CLDN1: variants seen among roughly 807,000 people sequenced by gnomAD.
CLDN1 encodes the protein claudin 1.
In CLDN1, 12 loss-of-function variants were observed where a neutral mutation model predicts 22.6. The observed-to-expected ratio is 0.53, with a 90% CI of 0.34 to 0.86. The LOEUF is 0.86. Among genes scored for constraint, CLDN1 ranks in the 40% least tolerant of loss-of-function variants. The pLI is 0.02. For missense variants in CLDN1, 250 were observed against 269.5 expected (o/e 0.93, Z 0.51); for synonymous variants, 99 against 103.8 (o/e 0.95, Z 0.28).
In CLDN1 at chr3:190,308,048, T is replaced by A. The variant is rs934054048; in HGVS notation, c.*229A>T. The A allele has an allele frequency of 2.0e-6, 1 of 488,978 alleles. No homozygotes were observed. Among genetic ancestry groups the A allele is most frequent in the Non-Finnish European group, 3.7e-6 (1 of 270,898 alleles). The allele number at this position is 488,978 out of a possible 1,614,324, so 30.3% of individuals were successfully genotyped here. ...ATGATTACTCAATGGGAAGCAGTAA[T>A]ACAAATGGAAAAATCTTCCCTCCTA... On this transcript the variant is annotated 3_prime_UTR_variant, in exon 4 of 4. Transcript: ENST00000295522.
intron 2 of CLDN1, 92 bp downstream of exon 2, chr3:190,312,780 C>A: frequency 6.9e-7 from 1 of 1,453,844 alleles, no homozygotes. Context: ...GCCTTAGAGA[C>A]TGAAATCAAG....
intron 1 of CLDN1, among the ~76,000 whole-genome samples, chr3:190,317,396 C>T (rs1292391322): frequency 6.6e-6 from 1 of 152,126 alleles, no homozygotes; most frequent in Non-Finnish European, 1.5e-5. Flanking sequence ...CATCATTTTC[C>T]ACCTGAAAGT....
chr3:190,308,267 T>G lies in CLDN1; in HGVS notation c.*10A>C, dbSNP rs1025986404. ...TTGTTTCAACATGATTTTCTCCTTT[T>G]GCCTCTGTGTCACACGTAGTCTTTC... On this transcript the variant is annotated 3_prime_UTR_variant, in exon 4 of 4. Transcript: ENST00000295522. The G allele has an allele frequency of 1.2e-6, 2 of 1,613,690 alleles. No homozygotes were observed. The highest frequency in any genetic ancestry group is 2.7e-5 in the African/African-American group (2 of 74,914).
chr3:190,321,933 C>T, intron 1 of CLDN1, 51 bp downstream of exon 1: 1 of 1,422,700 alleles, frequency 7.0e-7, no homozygotes, highest in Non-Finnish European at 9.9e-7. Context: ...AAGGGAGCTG[C>T]AGGGGGACTG....
Position 190,322,162 on chromosome 3 carries a change from G to C in CLDN1, c.45C>G (p.Phe15Leu). Residue 15 changes from phenylalanine (F) to leucine (L), a missense_variant, in exon 1 of 4, where the codon TTC (phenylalanine) becomes TTG (leucine). Physicochemically the swap from Phe to Leu is conservative, Grantham distance 22. Transcript: ENST00000295522. ...GLQLLGFILA[F>L]LGWIGAIVST... ...TGACGATGGCGCCGATCCATCCCAGGAAGGCGAGAATGAAGCCCAACAGCT... is the reference window on the plus strand; with the variant it reads ...TGACGATGGCGCCGATCCATCCCAGCAAGGCGAGAATGAAGCCCAACAGCT... 8 of 1,614,190 alleles carry C rather than the reference G, an allele frequency of 5.0e-6. No homozygotes were observed. The highest frequency in any genetic ancestry group is 6.8e-6 in the Non-Finnish European group (8 of 1,180,048).
At position 190,307,487 on chromosome 3, in the gene CLDN1, TGGG is replaced by T. The variant is rs1716487296; in HGVS notation, c.*787_*789del. The T allele has an allele frequency of 6.6e-6, 1 of 152,192 alleles. No homozygotes were observed. The highest frequency in any genetic ancestry group is 6.6e-5 in the Admixed American group (1 of 15,260). 9.4% of individuals were successfully genotyped at this position (152,192 alleles called of 1,614,324 possible). On this transcript the variant is annotated 3_prime_UTR_variant, in exon 4 of 4. Coordinates refer to ENST00000295522, the MANE Select transcript of CLDN1 (RefSeq NM_021101.5). The stretch of plus-strand genomic sequence containing the variant: ...TATGGGTCAGAGTACAGGGATTGTG[TGGG>T]AAGGTCAACAGGAATTTATCACTTT...
intron 1 of CLDN1, among the ~76,000 whole-genome samples, chr3:190,319,153 A>G (rs537110829): frequency 2.6e-5 from 4 of 152,322 alleles, no homozygotes; most frequent in African/African-American, 9.6e-5. Flanking sequence ...AGTAAGAAGA[A>G]GCATTTAAGC....
chr3:190,322,251 A>C lies in CLDN1; in HGVS notation c.-45T>G. On this transcript the variant is annotated 5_prime_UTR_variant, in exon 1 of 4. Transcript: ENST00000295522. ...GCTGGCTCAGGGGTGGCAGGTGCAG[A>C]AGGCGGAGAGTTTGCAGGTGGGCAA... is the stretch of plus-strand genomic sequence containing the variant. 1 of 1,580,682 alleles carries C rather than the reference A, an allele frequency of 6.3e-7. No individual in the cohort carries two copies. The highest frequency in any genetic ancestry group is 8.7e-7 in the Non-Finnish European group (1 of 1,153,682).
chr3:190,309,496 T>C (rs921722735), intron 3 of CLDN1, among the ~76,000 whole-genome samples: 1 of 152,226 alleles, frequency 6.6e-6, no homozygotes, highest in Non-Finnish European at 1.5e-5. Flanking sequence ...ACATCCTGAC[T>C]GAATGTAGTT....
Position 190,321,024 on chromosome 3 carries a change from C to T in CLDN1, c.223+960G>A, listed in dbSNP as rs191620631. Reference sequence around the variant, plus strand: ...TCCCACCATCCTTAGAAATATGTCTCTCTATACAATCCTTTCCAGTTTTAC... The same window carrying T: ...TCCCACCATCCTTAGAAATATGTCTTTCTATACAATCCTTTCCAGTTTTAC... On this transcript the variant is annotated intron_variant, in intron 1 of 3. Coordinates refer to ENST00000295522, the MANE Select transcript of CLDN1 (RefSeq NM_021101.5). 1.4e-3 allele frequency among the ~76,000 whole-genome samples: 215 copies of T among 152,252 alleles called. 1 individual carries two copies. The highest frequency in any genetic ancestry group is 2.3e-3 in the Non-Finnish European group (155 of 68,026).
At chr3:190,308,518 A>G in intron 3 of CLDN1, 79 bp from the exon 4 acceptor site, 3 of 1,317,314 alleles carry the variant, frequency 2.3e-6, no homozygotes, top group Non-Finnish European at 3.2e-6. Flanking sequence ...AAAAAAAATC[A>G]ATACTCATTG....
rs1357944333 is a variant in CLDN1 at position 190,312,904 on chromosome 3, G to A, written c.356C>T (p.Ala119Val). The change falls in exon 2 of 4, where the codon GCT becomes GTT. Residue 119 changes from alanine (A) to valine (V), a missense_variant. Coordinates refer to ENST00000295522, the MANE Select transcript of CLDN1 (RefSeq NM_021101.5). The part of the protein sequence containing the change: ...EDDEVQKMRM[A>V]VIGGAIFLLA... ...AAGAAATATCGCACCCCCAATGACAGCCATCCTCATCTTCTGCACCTCATC... is the reference window on the plus strand; with the variant it reads ...AAGAAATATCGCACCCCCAATGACAACCATCCTCATCTTCTGCACCTCATC... 6 of 1,614,156 alleles carry A rather than the reference G, an allele frequency of 3.7e-6. No individual in the cohort carries two copies. Among genetic ancestry groups the A allele is most frequent in the Non-Finnish European group, 5.1e-6 (6 of 1,180,020 alleles).
At chr3:190,308,945 A>G (rs1716534492) in intron 3 of CLDN1, among the ~76,000 whole-genome samples, 1 of 152,200 alleles carries the variant, frequency 6.6e-6, no homozygotes, top group Admixed American at 6.5e-5. Context: ...TAAGCAGCCC[A>G]TGAACCATTC....
intron 1 of CLDN1, among the ~76,000 whole-genome samples, chr3:190,316,152 T>C (rs1311718420): frequency 6.6e-6 from 1 of 152,138 alleles, no homozygotes; most frequent in Non-Finnish European, 1.5e-5. Context: ...ATTTGCATAA[T>C]ACACAAAAAG....
rs1324622182 is a variant in CLDN1 at position 190,310,216 on chromosome 3, A to G, written c.426T>C (p.Asn142=). ...GGTCATAGAATTCTTGAACGATTCTATTGCCATACCATGCTGTGGCAACTA... is the reference window on the plus strand; with the variant it reads ...GGTCATAGAATTCTTGAACGATTCTGTTGCCATACCATGCTGTGGCAACTA... ...AILVATAWYG[N]RIVQEFYDPM... Residue 142 remains asparagine, a synonymous_variant, in exon 3 of 4, where the codon AAT becomes AAC. Coordinates refer to ENST00000295522, the MANE Select transcript of CLDN1 (RefSeq NM_021101.5). 6.2e-7 allele frequency: 1 copy of G among 1,613,938 alleles called. No homozygotes were observed. The highest frequency in any genetic ancestry group is 1.7e-5 in the Admixed American group (1 of 60,006).
rs200926144 is a variant in CLDN1 at position 190,312,961 on chromosome 3, A to G, written c.299T>C (p.Val100Ala). 184 of 1,614,078 alleles carry G rather than the reference A, an allele frequency of 1.1e-4. No homozygotes were observed. Among genetic ancestry groups the G allele is most frequent in the Non-Finnish European group, 6.1e-5 (72 of 1,180,036 alleles). Residue 100 changes from valine to alanine, a missense_variant, in exon 2 of 4, where the codon GTT (valine) becomes GCT (alanine). Val to Ala is a moderately conservative substitution (Grantham distance 64). Transcript: ENST00000295522. ...CAAGCACTTCATACACTTCATGCCA[A>G]CGGTGGCCACAAAGATTGCTATCAC... The part of the protein sequence containing the change: ...LGVIAIFVAT[V>A]GMKCMKCLED...
In CLDN1 at chr3:190,312,852, G is replaced by T. The variant is rs771068812; in HGVS notation, c.388+20C>A. 14 of 1,613,292 alleles carry T rather than the reference G, an allele frequency of 8.7e-6. No individual in the cohort carries two copies. In the East Asian group the frequency reaches 2.7e-4, roughly 31 times the overall value. On this transcript the variant is annotated intron_variant, in intron 2 of 3. Coordinates refer to ENST00000295522, the MANE Select transcript of CLDN1 (RefSeq NM_021101.5). ...CAGGAACAGGTTAGTAAGGTGAAAGGGGGGCACAGCCTCTATTACCTGCAA... is the reference window on the plus strand; with the variant it reads ...CAGGAACAGGTTAGTAAGGTGAAAGTGGGGCACAGCCTCTATTACCTGCAA...
chr3:190,308,875 T>C (rs1480732393), intron 3 of CLDN1, among the ~76,000 whole-genome samples: 2 of 152,174 alleles, frequency 1.3e-5, no homozygotes, highest in African/African-American at 4.8e-5. Flanking sequence ...GATGATCCAT[T>C]GGTCCCAGGC....
Position 190,322,368 on chromosome 3 carries a change from G to C in CLDN1, c.-162C>G, listed in dbSNP as rs149860750. ...CGCCGCTGGAGAAGCTCTGGGTCGG[G>C]GTTGGGGTCCGCGCCCGGGGCGGCG... On this transcript the variant is annotated 5_prime_UTR_variant, in exon 1 of 4. Coordinates refer to ENST00000295522, the MANE Select transcript of CLDN1 (RefSeq NM_021101.5). 10 of 694,280 alleles carry C rather than the reference G, an allele frequency of 1.4e-5. No individual in the cohort carries two copies. The highest frequency in any genetic ancestry group is 2.2e-5 in the Non-Finnish European group (9 of 402,604). The allele number at this position is 694,280 out of a possible 1,614,324, so 43.0% of individuals were successfully genotyped here. A position where few individuals can be genotyped will look rare whatever the true frequency, so the allele number is the denominator to read the frequency against.
Sources: allele counts gnomAD v4.1 joint callset (sites outside exome capture counted in the v4.1 genomes callset), GRCh38; gene constraint gnomAD v4.1.1; transcripts MANE v1.5; gene names NCBI Gene and HGNC (gene_info 2026-07-23, HGNC 2026-07-21).